Variants in STXBP6 observed in about 807,000 individuals in gnomAD.
The protein encoded by STXBP6 is syntaxin binding protein 6.
Under a neutral mutation model 26.9 loss-of-function variants are expected in STXBP6, and 21 were observed. The observed-to-expected ratio is 0.78, with a 90% confidence interval of 0.55 to 1.12. The LOEUF is 1.12. STXBP6 is among the 50% of genes most tolerant of loss of function. The pLI, the probability that STXBP6 is intolerant of heterozygous loss-of-function variation, is 0.00. For missense variants in STXBP6, 232 were observed against 257.9 expected (o/e 0.90, Z 0.69); for synonymous variants, 97 against 92.6 (o/e 1.05, Z -0.27).
At chr14:24,939,249 G>C (rs546839901) in intron 2 of STXBP6, among the ~76,000 whole-genome samples, 2 of 152,212 alleles carry the variant, frequency 1.3e-5, no homozygotes, top group East Asian at 3.9e-4. Flanking sequence ...CAGACCACAG[G>C]GATATATGGA....
intron 1 of STXBP6, among the ~76,000 whole-genome samples, chr14:24,986,642 G>A (rs2074339751): frequency 6.6e-6 from 1 of 152,118 alleles, no homozygotes; most frequent in Non-Finnish European, 1.5e-5. Context: ...GCACCCTTCA[G>A]CCGCAGCACA....
chr14:24,884,471 C>G lies in STXBP6; in HGVS notation c.155-27314G>C, dbSNP rs75100532. On this transcript the variant is annotated intron_variant, in intron 2 of 5. Coordinates refer to ENST00000323944, the MANE Select transcript of STXBP6 (RefSeq NM_001394410.1). ...AATCCTATTTTGACTCATTTTCCAGCGGACAGTAATTCTAATATAGCTTAC... is the reference window on the plus strand; with the variant it reads ...AATCCTATTTTGACTCATTTTCCAGGGGACAGTAATTCTAATATAGCTTAC... Among the ~76,000 whole-genome samples the G allele has an allele frequency of 4.4e-3, 670 of 152,240 alleles. 3 individuals are homozygous for G. Among genetic ancestry groups the G allele is most frequent in the African/African-American group, 0.015 (635 of 41,544 alleles).
At chr14:24,837,897 TAAC>T (rs1421690836) in intron 4 of STXBP6, among the ~76,000 whole-genome samples, 8 of 152,234 alleles carry the variant, frequency 5.3e-5, no homozygotes, top group African/African-American at 9.6e-5. Context: ...TGGCTGGAAA[TAAC>T]AACTGGAAAG....
chr14:24,834,775 C>T (rs2068562031), intron 4 of STXBP6, among the ~76,000 whole-genome samples: 2 of 152,038 alleles, frequency 1.3e-5, no homozygotes, highest in Non-Finnish European at 1.5e-5. Flanking sequence ...CTGAGGGAGA[C>T]CTGTGGGGGA....
At chr14:24,866,363 T>G (rs562193777) in intron 2 of STXBP6, among the ~76,000 whole-genome samples, 7 of 152,070 alleles carry the variant, frequency 4.6e-5, no homozygotes, top group Non-Finnish European at 1.0e-4. Context: ...TGTGTGTGGG[T>G]GTATATATAT....
chr14:24,925,456 G>C (rs888324915), intron 2 of STXBP6, among the ~76,000 whole-genome samples: 2 of 152,192 alleles, frequency 1.3e-5, no homozygotes, highest in East Asian at 3.9e-4. Context: ...TACCCTATGA[G>C]ATAATGTTAC....
intron 4 of STXBP6, among the ~76,000 whole-genome samples, chr14:24,830,893 T>C (rs1400207368): frequency 1.3e-5 from 2 of 152,096 alleles, no homozygotes; most frequent in African/African-American, 2.4e-5. Flanking sequence ...TTTGGCACAA[T>C]GGAAGTTAAG....
At chr14:24,938,266 T>C (rs1028280254) in intron 2 of STXBP6, among the ~76,000 whole-genome samples, 1 of 152,154 alleles carries the variant, frequency 6.6e-6, no homozygotes, top group Non-Finnish European at 1.5e-5. Context: ...TCAGATGCTG[T>C]CCCCTGCCCA....
At chr14:24,966,809 C>T (rs1161401292) in intron 2 of STXBP6, among the ~76,000 whole-genome samples, 1 of 152,188 alleles carries the variant, frequency 6.6e-6, no homozygotes, top group Non-Finnish European at 1.5e-5. Context: ...CATTTGCTCT[C>T]TAAGAGTCAA....
At chr14:25,004,898 T>G (rs2074853780) in intron 1 of STXBP6, among the ~76,000 whole-genome samples, 1 of 152,156 alleles carries the variant, frequency 6.6e-6, no homozygotes, top group South Asian at 2.1e-4. Context: ...AGCATAAATA[T>G]CCTCATCCAT....
At chr14:24,817,871 G>A (rs1433608226) in intron 5 of STXBP6, 1 of 357,656 alleles carries the variant, frequency 2.8e-6, no homozygotes, top group Non-Finnish European at 5.5e-6. Context: ...ACCCTGTCAC[G>A]ACAGAGAATG....
At chr14:25,033,230 C>T (rs2075492158) in intron 1 of STXBP6, among the ~76,000 whole-genome samples, 1 of 152,188 alleles carries the variant, frequency 6.6e-6, no homozygotes, top group South Asian at 2.1e-4. Flanking sequence ...CTGTTTCTCA[C>T]CCTGTACTTT....
At chr14:24,881,307 C>T (rs776167944) in intron 2 of STXBP6, among the ~76,000 whole-genome samples, 25 of 152,126 alleles carry the variant, frequency 1.6e-4, no homozygotes, top group Non-Finnish European at 2.1e-4. Flanking sequence ...GCCAGGGCTC[C>T]AGCCAGCAGA....
intron 4 of STXBP6, among the ~76,000 whole-genome samples, chr14:24,834,608 C>G (rs2068555533): frequency 6.6e-6 from 1 of 152,154 alleles, no homozygotes; most frequent in African/African-American, 2.4e-5. Context: ...AGAGGCCACA[C>G]AGTGCTGAAG....
chr14:25,020,203 G>T (rs2075236576), intron 1 of STXBP6, among the ~76,000 whole-genome samples: 1 of 151,846 alleles, frequency 6.6e-6, no homozygotes, highest in South Asian at 2.1e-4. Context: ...GACCATGTGA[G>T]GCAAAAAGGA....
At chr14:24,988,871 C>T (rs536917799) in intron 1 of STXBP6, among the ~76,000 whole-genome samples, 6 of 152,296 alleles carry the variant, frequency 3.9e-5, no homozygotes, top group Admixed American at 6.5e-5. Flanking sequence ...ACTCTTCAAA[C>T]GTCCATTTGG....
chr14:24,994,512 A>G (rs1175778941), intron 1 of STXBP6, among the ~76,000 whole-genome samples: 1 of 152,006 alleles, frequency 6.6e-6, no homozygotes. Context: ...GCCCCTAACC[A>G]TCTCTGCTCC....
intron 2 of STXBP6, among the ~76,000 whole-genome samples, chr14:24,917,241 T>C (rs1372230737): frequency 6.6e-6 from 1 of 152,042 alleles, no homozygotes; most frequent in Non-Finnish European, 1.5e-5. Context: ...TATTAAGGAA[T>C]GACACAAAAA....
intron 4 of STXBP6, among the ~76,000 whole-genome samples, chr14:24,849,158 CT>C (rs958498119): frequency 1.3e-5 from 2 of 151,962 alleles, no homozygotes; most frequent in African/African-American, 2.4e-5. Flanking sequence ...TGTATTGATG[CT>C]TTTATTTTGC....
Sources: allele counts gnomAD v4.1 joint callset (sites outside exome capture counted in the v4.1 genomes callset), GRCh38; gene constraint gnomAD v4.1.1; transcripts MANE v1.5; gene names NCBI Gene and HGNC (gene_info 2026-07-23, HGNC 2026-07-21).